Variants in BCL11B observed in about 807,000 individuals in gnomAD.
BCL11B encodes the protein B-cell lymphoma/leukemia 11B.
BCL11B carries 8 observed loss-of-function variants against 49.9 expected under a neutral mutation model. The observed-to-expected ratio is 0.16, with a 90% CI of 0.09 to 0.29. The LOEUF is 0.29. BCL11B is among the 10% of genes least tolerant of loss of function. The pLI, the probability that BCL11B is intolerant of heterozygous loss-of-function variation, is 1.00. For synonymous variants in BCL11B, 739 were observed against 637.4 expected, an observed-to-expected ratio of 1.16 and a Z score of -2.40; for missense variants, 1,006 against 1,351.0, an observed-to-expected ratio of 0.74 and a Z score of 4.00.
Position 99,172,413 on chromosome 14 carries a change from T to A in BCL11B, c.*1738A>T, listed in dbSNP as rs1236568582. 4.7e-6 allele frequency: 1 copy of A among 211,808 alleles called. No individual in the cohort carries two copies. Among genetic ancestry groups the A allele is most frequent in the Non-Finnish European group, 9.6e-6 (1 of 104,286 alleles). The allele number at this position is 211,808 out of a possible 1,614,324, so 13.1% of individuals were successfully genotyped here. ...CTTCAACCAGAATTTTTTTTTTTTT[T>A]ACTTAAAGTAAATGTGGCTTTGTTA... On this transcript the variant is annotated 3_prime_UTR_variant, in exon 4 of 4. Transcript: ENST00000357195.
rs573409406 is a variant in BCL11B at position 99,197,919 on chromosome 14, T to C, written c.641-21724A>G. On this transcript the variant is annotated intron_variant, in intron 3 of 3. Transcript: ENST00000357195. ...CCAATTTGAAGCCGCAAGCCAGGTA[T>C]GGAAATCAGAGCAATAAAGAGACGA... Among the ~76,000 whole-genome samples, 5 of 152,204 alleles carry C rather than the reference T, an allele frequency of 3.3e-5. No individual in the cohort carries two copies. The East Asian group carries it at 9.7e-4, about 29-fold the overall frequency.
chr14:99,225,421 C>T (rs1433376359), intron 3 of BCL11B, among the ~76,000 whole-genome samples: 1 of 152,226 alleles, frequency 6.6e-6, no homozygotes, highest in East Asian at 1.9e-4. Flanking sequence ...CAAGCCTCCT[C>T]TGCCACTTTC....
In BCL11B at chr14:99,184,455, C is replaced by T. The variant is rs1343908466; in HGVS notation, c.641-8260G>A. On this transcript the variant is annotated intron_variant, in intron 3 of 3. Transcript: ENST00000357195. The surrounding 1 kb of genome is among the most constrained non-coding windows in gnomAD (Gnocchi z 6.1). ...TTTGCTGTCAGGTGGATGCTCACAG[C>T]CACTTTGGAAAGTGGGTTTTAACCC... Among the ~76,000 whole-genome samples, 1 of 152,206 alleles carries T rather than the reference C, an allele frequency of 6.6e-6. No homozygotes were observed. The highest frequency in any genetic ancestry group is 1.5e-5 in the Non-Finnish European group (1 of 68,038).
At chr14:99,266,422 CG>C (rs1436860733) in intron 1 of BCL11B, among the ~76,000 whole-genome samples, 2 of 151,852 alleles carry the variant, frequency 1.3e-5, no homozygotes, top group African/African-American at 4.8e-5. Flanking sequence ...AGACCACGGA[CG>C]AATCAGGGAA....
At chr14:99,197,065 A>C (rs1203726501) in intron 3 of BCL11B, among the ~76,000 whole-genome samples, 2 of 152,180 alleles carry the variant, frequency 1.3e-5, no homozygotes, top group Non-Finnish European at 2.9e-5. Flanking sequence ...CTGGAAGCAT[A>C]CTCATTTTGT....
intron 1 of BCL11B, among the ~76,000 whole-genome samples, chr14:99,269,579 A>T (rs1889593209): frequency 6.6e-6 from 1 of 151,742 alleles, no homozygotes; most frequent in South Asian, 2.1e-4. Flanking sequence ...TGCTGTAACA[A>T]AGGAGAGATG....
rs1319924386 is a variant in BCL11B at position 99,247,663 on chromosome 14, G to A, written c.427+9808C>T. On this transcript the variant is annotated intron_variant, in intron 2 of 3. Transcript: ENST00000357195. The surrounding 1 kb of genome is among the most constrained non-coding windows in gnomAD (Gnocchi z 4.5). ...CACCTGCAGTCATCAGGAGGTAGAC[G>A]CGTGTTTTCTGGACACTCTTGTGGA... 6.6e-6 allele frequency among the ~76,000 whole-genome samples: 1 copy of A among 152,226 alleles called. No individual in the cohort carries two copies. Among genetic ancestry groups the A allele is most frequent in the African/African-American group, 2.4e-5 (1 of 41,456 alleles).
chr14:99,256,814 G>A (rs1044652684), intron 2 of BCL11B, among the ~76,000 whole-genome samples: 5 of 152,128 alleles, frequency 3.3e-5, no homozygotes, highest in Admixed American at 6.5e-5. Flanking sequence ...CCCCCAACGG[G>A]CACAGTGCTC....
At position 99,260,430 on chromosome 14, in the gene BCL11B, G is replaced by A. The variant is rs77874638; in HGVS notation, c.59-2591C>T. Among the ~76,000 whole-genome samples, 985 of 151,962 alleles carry A rather than the reference G, an allele frequency of 6.5e-3. 6 individuals are homozygous for A. Among genetic ancestry groups the A allele is most frequent in the East Asian group, 0.028 (143 of 5,170 alleles). On this transcript the variant is annotated intron_variant, in intron 1 of 3. Transcript: ENST00000357195. Reference sequence around the variant, plus strand: ...CTTTTTTATTAACTTTTTCAGCCTCGTCCGCCCTCCTGAGTAGGAGTTCTA... The same window carrying A: ...CTTTTTTATTAACTTTTTCAGCCTCATCCGCCCTCCTGAGTAGGAGTTCTA...
intron 1 of BCL11B, among the ~76,000 whole-genome samples, chr14:99,268,374 T>A (rs1017397016): frequency 6.7e-6 from 1 of 150,144 alleles, no homozygotes; most frequent in African/African-American, 2.4e-5. Context: ...GCATCATCCC[T>A]GAAGGACCTG....
chr14:99,206,089 G>A (rs1334663414), intron 3 of BCL11B, among the ~76,000 whole-genome samples: 3 of 152,158 alleles, frequency 2.0e-5, no homozygotes, highest in African/African-American at 7.2e-5. Flanking sequence ...CTCTCTCCAG[G>A]AGCAGAGGCA....
chr14:99,230,272 A>C (rs1177312058), intron 3 of BCL11B, among the ~76,000 whole-genome samples: 1 of 152,184 alleles, frequency 6.6e-6, no homozygotes, highest in Non-Finnish European at 1.5e-5. Flanking sequence ...TCAATTAAAA[A>C]CACAACCTGC....
At chr14:99,181,881 G>A (rs56106643) in intron 3 of BCL11B, among the ~76,000 whole-genome samples, 35,831 of 152,146 alleles carry the variant, frequency 0.24, 4,476 homozygotes, top group East Asian at 0.35. Flanking sequence ...CACTCAGTCC[G>A]CCTCCAGAAT....
chr14:99,207,525 C>T (rs185486466), intron 3 of BCL11B, among the ~76,000 whole-genome samples: 83 of 152,352 alleles, frequency 5.4e-4, no homozygotes, highest in Non-Finnish European at 1.1e-3. Flanking sequence ...AAAGCATCCC[C>T]TATTCACTCA....
chr14:99,230,278 C>A (rs1444322145), intron 3 of BCL11B, among the ~76,000 whole-genome samples: 1 of 152,194 alleles, frequency 6.6e-6, no homozygotes, highest in Non-Finnish European at 1.5e-5. Context: ...AAAAACACAA[C>A]CTGCCCAATA....
intron 3 of BCL11B, among the ~76,000 whole-genome samples, chr14:99,190,847 A>G (rs2139796278): frequency 6.6e-6 from 1 of 152,244 alleles, no homozygotes; most frequent in Admixed American, 6.5e-5. Context: ...TCCAACTCCT[A>G]CAGGTGCGAC....
intron 3 of BCL11B, among the ~76,000 whole-genome samples, chr14:99,177,939 C>CG (rs1029457199): frequency 6.6e-6 from 1 of 152,132 alleles, no homozygotes; most frequent in Non-Finnish European, 1.5e-5. Context: ...TCAAGTGACT[C>CG]GGGGACCAAA....
At chr14:99,256,712 G>A (rs61374863) in intron 2 of BCL11B, among the ~76,000 whole-genome samples, 2,757 of 152,266 alleles carry the variant, frequency 0.018, 85 homozygotes, top group African/African-American at 0.063. Context: ...CCACGCCTGG[G>A]GACAGAGGGG....
At chr14:99,254,984 C>A (rs75862675) in intron 2 of BCL11B, among the ~76,000 whole-genome samples, 1 of 152,116 alleles carries the variant, frequency 6.6e-6, no homozygotes, top group South Asian at 2.1e-4. Context: ...CTGCAGTCCT[C>A]GGAATTCAAT....
Sources: gnomAD v4.1 joint callset for allele counts (sites outside exome capture counted in the v4.1 genomes callset) on GRCh38, gnomAD v4.1.1 for gene constraint, Gnocchi (gnomAD v3.1) non-coding constraint, MANE v1.5 for transcripts, NCBI Gene and HGNC (gene_info 2026-07-23, HGNC 2026-07-21) for gene names.